SNX14: variants seen among roughly 807,000 people sequenced by gnomAD.
SNX14 encodes sorting nexin-14.
In SNX14, 93 loss-of-function variants were observed where a neutral mutation model predicts 133.8. The observed-to-expected ratio is 0.70, with a 90% CI of 0.59 to 0.83. The LOEUF is 0.83. Ranked by LOEUF, SNX14 falls within the 40% of genes least tolerant of loss-of-function variation. The pLI is 0.00. For synonymous variants in SNX14, 368 were observed against 365.6 expected, an observed-to-expected ratio of 1.01 and a Z score of -0.07; for missense variants, 945 against 1,094.9, an observed-to-expected ratio of 0.86 and a Z score of 1.93.
intron 21 of SNX14, among the ~76,000 whole-genome samples, chr6:85,524,736 A>G (rs1778028555): frequency 6.6e-6 from 1 of 151,710 alleles, no homozygotes; most frequent in South Asian, 2.1e-4. Flanking sequence ...GTGAGCCAAA[A>G]TCACACCACT....
chr6:85,558,102 T>C (rs780698825), intron 6 of SNX14, 42 bp from the exon 7 acceptor site: 2 of 941,646 alleles, frequency 2.1e-6, no homozygotes, highest in Admixed American at 3.9e-5. Flanking sequence ...TAATTATCAC[T>C]AAGTTACAAT....
Position 85,508,024 on chromosome 6 carries a change from A to G in SNX14, c.2689T>C (p.Tyr897His), listed in dbSNP as rs1163603601. 2 of 1,613,100 alleles carry G rather than the reference A, an allele frequency of 1.2e-6. No homozygotes were observed. Among genetic ancestry groups the G allele is most frequent in the East Asian group, 2.2e-5 (1 of 44,818 alleles). ...TCAAACAGAAGTCTGATGCTTTCAT[A>G]CTTGGTTTCTTCACCAATACACTTG... ...LVKCIGEETK[Y>H]ESIRLLFDGL... Residue 897 changes from tyrosine to histidine, a missense_variant, in exon 27 of 29, where the codon TAT (tyrosine) becomes CAT (histidine). Physicochemically the swap from Tyr to His is moderately conservative, Grantham distance 83. Transcript: ENST00000314673.
At chr6:85,513,347 C>T (rs1206210409) in intron 26 of SNX14, among the ~76,000 whole-genome samples, 1 of 152,156 alleles carries the variant, frequency 6.6e-6, no homozygotes, top group Non-Finnish European at 1.5e-5. Flanking sequence ...TGTCTATATG[C>T]CTGTCTTCCT....
intron 1 of SNX14, 83 bp from the exon 2 acceptor site, chr6:85,574,461 C>T: frequency 1.1e-6 from 1 of 932,122 alleles, no homozygotes. Context: ...AACAAGCATT[C>T]ATTAAGCACC....
intron 23 of SNX14, chr6:85,517,505 A>G (rs1366274211): frequency 3.5e-6 from 1 of 287,872 alleles, no homozygotes; most frequent in Non-Finnish European, 6.3e-6. Context: ...AACCACTTTT[A>G]AAAATCCCCA....
chr6:85,541,307 A>C (rs1446520897), intron 15 of SNX14, among the ~76,000 whole-genome samples: 1 of 152,130 alleles, frequency 6.6e-6, no homozygotes, highest in Non-Finnish European at 1.5e-5. Context: ...ACATTCTTTC[A>C]TTGGAAATTC....
chr6:85,567,632 T>C, intron 4 of SNX14, 55 bp from the exon 5 acceptor site: 1 of 1,172,486 alleles, frequency 8.5e-7, no homozygotes, highest in Non-Finnish European at 1.2e-6. Context: ...TTTTGGAAAA[T>C]AAATGGTACC....
intron 14 of SNX14, among the ~76,000 whole-genome samples, chr6:85,542,583 A>G (rs1293695680): frequency 1.3e-5 from 2 of 151,784 alleles, no homozygotes; most frequent in Non-Finnish European, 2.9e-5. Context: ...TTTAGTAGAG[A>G]AGGGGTTTCA....
chr6:85,584,673 G>A (rs1173991243), intron 1 of SNX14, among the ~76,000 whole-genome samples: 5 of 152,198 alleles, frequency 3.3e-5, no homozygotes, highest in Non-Finnish European at 7.4e-5. Flanking sequence ...GGTCATTAGA[G>A]AAATGCAAAT....
At chr6:85,586,410 G>T (rs1800878626) in intron 1 of SNX14, among the ~76,000 whole-genome samples, 1 of 152,212 alleles carries the variant, frequency 6.6e-6, no homozygotes, top group Non-Finnish European at 1.5e-5. Context: ...AAAAGCTTGA[G>T]ATGTAGGAAC....
intron 1 of SNX14, among the ~76,000 whole-genome samples, chr6:85,579,228 A>C (rs1798295388): frequency 1.3e-5 from 2 of 152,218 alleles, no homozygotes; most frequent in African/African-American, 4.8e-5. Context: ...ACCCCAAAGA[A>C]GACAAGAGCC....
intron 2 of SNX14, 31 bp downstream of exon 2, chr6:85,574,227 G>A (rs540338577): frequency 3.3e-6 from 5 of 1,515,340 alleles, no homozygotes; most frequent in Non-Finnish European, 4.5e-6. Context: ...CATATACATT[G>A]ATTCTTAACA....
At position 85,531,943 on chromosome 6, in the gene SNX14, A is replaced by G. The variant is rs1780443469; in HGVS notation, c.1810+1656T>C. Among the ~76,000 whole-genome samples, 6 of 152,234 alleles carry G rather than the reference A, an allele frequency of 3.9e-5. No individual in the cohort carries two copies. The South Asian group carries it at 1.2e-3, about 32-fold the overall frequency. On this transcript the variant is annotated intron_variant, in intron 18 of 28. Coordinates refer to ENST00000314673, the MANE Select transcript of SNX14 (RefSeq NM_153816.6). Reference sequence around the variant, plus strand: ...CTCAGGAGGCTGAAGTGGGAGGATCACTTGAACCCGGGAAGTTGAGGCTGT... The same window carrying G: ...CTCAGGAGGCTGAAGTGGGAGGATCGCTTGAACCCGGGAAGTTGAGGCTGT...
chr6:85,548,757 A>G (rs908878690), intron 8 of SNX14, among the ~76,000 whole-genome samples: 1 of 152,132 alleles, frequency 6.6e-6, no homozygotes, highest in Non-Finnish European at 1.5e-5. Flanking sequence ...TCACAAGGTC[A>G]GGAGTTCAAG....
intron 1 of SNX14, among the ~76,000 whole-genome samples, chr6:85,589,977 G>A (rs1406292105): frequency 1.3e-5 from 2 of 152,300 alleles, no homozygotes; most frequent in Non-Finnish European, 2.9e-5. Context: ...GAGACATTAT[G>A]TCTGGGGACA....
chr6:85,508,254 C>A, intron 26 of SNX14, 195 bp from the exon 27 acceptor site: 18 of 1,141,610 alleles, frequency 1.6e-5, no homozygotes, highest in Admixed American at 9.4e-5. Flanking sequence ...AATGCAGTAT[C>A]ATGTATCCCA....
At chr6:85,573,159 C>G (rs907404919) in intron 2 of SNX14, among the ~76,000 whole-genome samples, 2 of 152,084 alleles carry the variant, frequency 1.3e-5, no homozygotes, top group East Asian at 3.8e-4. Flanking sequence ...GATACTACAC[C>G]AACTTAAAGA....
intron 4 of SNX14, among the ~76,000 whole-genome samples, chr6:85,570,175 G>C (rs1217670914): frequency 1.3e-5 from 2 of 152,128 alleles, no homozygotes; most frequent in Non-Finnish European, 2.9e-5. Flanking sequence ...TGGTAGAAAG[G>C]GACCATATCT....
intron 7 of SNX14, among the ~76,000 whole-genome samples, chr6:85,555,108 T>C (rs1484791534): frequency 1.3e-5 from 2 of 152,100 alleles, no homozygotes; most frequent in Non-Finnish European, 1.5e-5. Flanking sequence ...CAATGTGATA[T>C]ATATACAACG....
Sources: gnomAD v4.1 joint callset for allele counts (sites outside exome capture counted in the v4.1 genomes callset) on GRCh38, gnomAD v4.1.1 for gene constraint, MANE v1.5 for transcripts, NCBI Gene and HGNC (gene_info 2026-07-23, HGNC 2026-07-21) for gene names.